Variants in PLXNA4 observed in about 807,000 individuals in gnomAD.
The protein encoded by PLXNA4 is plexin-A4.
In PLXNA4, 44 loss-of-function variants were observed where a neutral mutation model predicts 191.8. That is an observed-to-expected ratio of 0.23 (90% confidence interval 0.18 to 0.29). The LOEUF (loss-of-function observed/expected upper bound fraction) is 0.29. Ranked by LOEUF, PLXNA4 falls within the 10% of genes least tolerant of loss-of-function variation. The pLI is 1.00. For synonymous variants in PLXNA4, 1,082 were observed against 1,009.5 expected (o/e 1.07, Z -1.36); for missense variants, 1,800 against 2,488.8 (o/e 0.72, Z 5.89).
intron 24 of PLXNA4, among the ~76,000 whole-genome samples, chr7:132,161,309 G>T (rs1795942285): frequency 6.6e-6 from 1 of 152,212 alleles, no homozygotes; most frequent in Non-Finnish European, 1.5e-5. Flanking sequence ...CAACTCCATG[G>T]TGCACTTCAG....
chr7:132,262,134 C>T (rs1338567886), intron 4 of PLXNA4, among the ~76,000 whole-genome samples: 2 of 152,188 alleles, frequency 1.3e-5, no homozygotes, highest in Admixed American at 1.3e-4. Flanking sequence ...TTGACCCAGC[C>T]CTTCCAGACC....
chr7:132,186,494 AG>A (rs1796882146), intron 15 of PLXNA4, among the ~76,000 whole-genome samples: 1 of 152,216 alleles, frequency 6.6e-6, no homozygotes, highest in African/African-American at 2.4e-5. Context: ...GAGCCCATCC[AG>A]GGAAGGGAGG....
At chr7:132,267,643 G>T (rs1046597574) in intron 4 of PLXNA4, among the ~76,000 whole-genome samples, 1 of 152,138 alleles carries the variant, frequency 6.6e-6, no homozygotes, top group African/African-American at 2.4e-5. Context: ...TTAGAGCTCT[G>T]CCATTGGCTT....
At chr7:132,537,649 A>C (rs1275228412) in intron 1 of PLXNA4, among the ~76,000 whole-genome samples, 1 of 152,208 alleles carries the variant, frequency 6.6e-6, no homozygotes, top group Non-Finnish European at 1.5e-5. Flanking sequence ...CATCTACTCA[A>C]CATGCTCTAC....
At chr7:132,524,265 A>G (rs1198207046) in intron 1 of PLXNA4, among the ~76,000 whole-genome samples, 1 of 152,160 alleles carries the variant, frequency 6.6e-6, no homozygotes, top group African/African-American at 2.4e-5. Flanking sequence ...CTAGAATTTG[A>G]TGCTTATTTT....
chr7:132,417,675 C>G (rs1477364422), intron 3 of PLXNA4, among the ~76,000 whole-genome samples: 1 of 131,212 alleles, frequency 7.6e-6, no homozygotes, highest in Admixed American at 9.5e-5. Flanking sequence ...GAGAAAAAGA[C>G]TGAAAAGGAG....
At chr7:132,425,343 T>C (rs1003126155) in intron 3 of PLXNA4, among the ~76,000 whole-genome samples, 1 of 152,122 alleles carries the variant, frequency 6.6e-6, no homozygotes, top group South Asian at 2.1e-4. Context: ...TGGAGACACT[T>C]TTAAAGCTAA....
chr7:132,246,035 A>G (rs1206697856), intron 4 of PLXNA4, among the ~76,000 whole-genome samples: 1 of 152,224 alleles, frequency 6.6e-6, no homozygotes, highest in Non-Finnish European at 1.5e-5. Context: ...CCACAATGTG[A>G]GTGTACTTAC....
intron 2 of PLXNA4, among the ~76,000 whole-genome samples, chr7:132,633,614 T>C (rs1433642326): frequency 6.6e-6 from 1 of 152,188 alleles, no homozygotes; most frequent in East Asian, 1.9e-4. Flanking sequence ...TGTTCCTTTC[T>C]CAGTCTACTG....
chr7:132,567,043 G>A (rs1563179363), intron 1 of PLXNA4, among the ~76,000 whole-genome samples: 1 of 152,114 alleles, frequency 6.6e-6, no homozygotes, highest in Non-Finnish European at 1.5e-5. Context: ...GTCTTTCCAG[G>A]AGACATCAAT....
intron 5 of PLXNA4, among the ~76,000 whole-genome samples, chr7:132,233,405 C>T (rs1009842366): frequency 1.3e-5 from 2 of 152,074 alleles, no homozygotes; most frequent in Non-Finnish European, 2.9e-5. Context: ...TGAGTCCTTT[C>T]AATGTTACAA....
chr7:132,254,101 C>A (rs1390299185), intron 4 of PLXNA4, among the ~76,000 whole-genome samples: 1 of 152,146 alleles, frequency 6.6e-6, no homozygotes, highest in East Asian at 1.9e-4. Flanking sequence ...AAGATTCCAT[C>A]ATAACTAACT....
At chr7:132,225,861 T>C (rs144099357) in intron 8 of PLXNA4, among the ~76,000 whole-genome samples, 9 of 152,316 alleles carry the variant, frequency 5.9e-5, no homozygotes, top group African/African-American at 2.2e-4. Context: ...TTAGAAGGAT[T>C]GATGTCAGGG....
At chr7:132,336,429 G>A (rs746727923) in intron 3 of PLXNA4, among the ~76,000 whole-genome samples, 3 of 152,140 alleles carry the variant, frequency 2.0e-5, no homozygotes, top group Non-Finnish European at 2.9e-5. Flanking sequence ...CAGAAATTAT[G>A]GGTACTATTA....
intron 17 of PLXNA4, 148 bp downstream of exon 17, chr7:132,181,949 C>T: frequency 7.6e-7 from 1 of 1,324,116 alleles, no homozygotes; most frequent in African/African-American, 1.5e-5. Context: ...CCCCCCTATT[C>T]CACTATCCTA....
intron 1 of PLXNA4, among the ~76,000 whole-genome samples, chr7:132,566,421 T>A (rs746960528): frequency 6.6e-6 from 1 of 152,196 alleles, no homozygotes; most frequent in Non-Finnish European, 1.5e-5. Context: ...GTGGAAACCA[T>A]GGATTTACAG....
intron 4 of PLXNA4, among the ~76,000 whole-genome samples, chr7:132,244,700 C>G (rs996438723): frequency 6.6e-6 from 1 of 152,178 alleles, no homozygotes. Context: ...GCAATAGTCT[C>G]CAGCATGGCC....
intron 4 of PLXNA4, among the ~76,000 whole-genome samples, chr7:132,259,482 G>A (rs10279295): frequency 0.71 from 78,912 of 110,876 alleles, 27,932 homozygotes; most frequent in African/African-American, 0.89. Context: ...AAGAAAAAAG[G>A]AAAAAAGAAA....
intron 3 of PLXNA4, chr7:132,384,916 A>C: frequency 2.4e-6 from 3 of 1,260,616 alleles, no homozygotes; most frequent in Non-Finnish European, 2.0e-6. Flanking sequence ...TATACAAGTG[A>C]TAACACCACA....
Sources: allele counts gnomAD v4.1 joint callset (sites outside exome capture counted in the v4.1 genomes callset), GRCh38; gene constraint gnomAD v4.1.1; transcripts MANE v1.5; gene names NCBI Gene and HGNC (gene_info 2026-07-23, HGNC 2026-07-21).